The following TOX3 variants were observed in gnomAD, a reference collection of about 807,000 sequenced individuals.
TOX3 encodes the protein CAG trinucleotide repeat-containing gene F9 protein.
TOX3 carries 22 observed loss-of-function variants against 64.3 expected under a neutral mutation model. The ratio of observed to expected loss-of-function variants is 0.34; its 90% confidence interval spans 0.24 to 0.49. The LOEUF (loss-of-function observed/expected upper bound fraction) is 0.49, where lower values mean the gene tolerates loss of function less well. TOX3 is among the 20% of genes least tolerant of loss of function. The probability of loss-of-function intolerance (pLI) is 0.99; values close to 1 mark genes in which losing one functional copy is unlikely to be tolerated. For synonymous variants in TOX3, 291 were observed against 273.6 expected, an observed-to-expected ratio of 1.06 and a Z score of -0.63; for missense variants, 661 against 714.4, an observed-to-expected ratio of 0.93 and a Z score of 0.85.
At chr16:52,503,614 A>G (rs4784221) in intron 1 of TOX3, among the ~76,000 whole-genome samples, 24,521 of 152,194 alleles carry the variant, frequency 0.16, 2,297 homozygotes, top group Middle Eastern at 0.26. Flanking sequence ...ATGCTTTACA[A>G]AAAGGAAAGG....
At chr16:52,494,983 T>C (rs561902950) in intron 1 of TOX3, among the ~76,000 whole-genome samples, 8 of 152,206 alleles carry the variant, frequency 5.3e-5, no homozygotes, top group Non-Finnish European at 1.2e-4. Context: ...GTGACTCTCC[T>C]GAAACAGGCT....
chr16:52,442,385 T>C (rs1160146938), intron 6 of TOX3, among the ~76,000 whole-genome samples: 1 of 152,178 alleles, frequency 6.6e-6, no homozygotes, highest in Non-Finnish European at 1.5e-5. Context: ...TTCTCCTCTC[T>C]TGGGCACAAA....
chr16:52,468,538 C>A lies in TOX3; in HGVS notation c.124G>T (p.Ala42Ser), dbSNP rs1423024805. The A allele has an allele frequency of 6.2e-7, 1 of 1,613,118 alleles. No individual in the cohort carries two copies. Among genetic ancestry groups the A allele is most frequent in the Non-Finnish European group, 8.5e-7 (1 of 1,179,406 alleles). ...NNNNYMNMAE[A>S]NNAFFAASEQ... ...CTGGCAGCGAAGAACGCATTGTTCG[C>A]CTCAGCCATATTCATATAGTTATTA... The change falls in exon 2 of 7, where the codon GCG becomes TCG. Residue 42 changes from alanine (A) to serine (S), a missense_variant. By Grantham distance (99) the Ala-to-Ser change is moderately conservative. Transcript: ENST00000219746.
chr16:52,505,221 T>C (rs1962128793), intron 1 of TOX3, among the ~76,000 whole-genome samples: 1 of 152,200 alleles, frequency 6.6e-6, no homozygotes, highest in African/African-American at 2.4e-5. Context: ...TAGGATTCCC[T>C]GAACCTTCTC....
chr16:52,539,019 A>G (rs1481047592), intron 1 of TOX3, among the ~76,000 whole-genome samples: 2 of 152,102 alleles, frequency 1.3e-5, no homozygotes, highest in Non-Finnish European at 2.9e-5. Flanking sequence ...TTGAGTTTGT[A>G]AGTATACTCA....
At chr16:52,537,068 C>T (rs1034126402) in intron 1 of TOX3, among the ~76,000 whole-genome samples, 2 of 152,078 alleles carry the variant, frequency 1.3e-5, no homozygotes, top group African/African-American at 2.4e-5. Context: ...CTCTCACTCT[C>T]TCTCTAATCT....
Position 52,439,815 on chromosome 16 carries a change from T to A in TOX3, c.1141A>T (p.Arg381Trp). ...GTTAAGGGTTTGGGAGCGATTGACCTAGGGAGGGATTGCTGGAGAGTCTGA... is the reference window on the plus strand; with the variant it reads ...GTTAAGGGTTTGGGAGCGATTGACCAAGGGAGGGATTGCTGGAGAGTCTGA... Reference protein sequence around the residue: ...SPQTLQQSLPRSIAPKPLTMR... With the variant: ...SPQTLQQSLPWSIAPKPLTMR... The change falls in exon 7 of 7, where the codon AGG becomes TGG. Residue 381 changes from arginine (R) to tryptophan (W), a missense_variant. Coordinates refer to ENST00000219746, the MANE Select transcript of TOX3 (RefSeq NM_001080430.4). 6.2e-7 allele frequency: 1 copy of A among 1,613,828 alleles called. No homozygotes were observed. Among genetic ancestry groups the A allele is most frequent in the Non-Finnish European group, 8.5e-7 (1 of 1,179,852 alleles).
At chr16:52,543,086 G>T (rs949384130) in intron 1 of TOX3, among the ~76,000 whole-genome samples, 8 of 152,154 alleles carry the variant, frequency 5.3e-5, no homozygotes, top group African/African-American at 1.7e-4. Flanking sequence ...AAAATATGCA[G>T]AAATAGCTAG....
chr16:52,447,566 T>C (rs1445465805), intron 4 of TOX3, among the ~76,000 whole-genome samples: 2 of 152,188 alleles, frequency 1.3e-5, no homozygotes, highest in African/African-American at 4.8e-5. Context: ...CATCCACACT[T>C]TATCTGAGTA....
intron 1 of TOX3, among the ~76,000 whole-genome samples, chr16:52,473,515 C>A (rs552147747): frequency 6.6e-6 from 1 of 152,312 alleles, no homozygotes; most frequent in African/African-American, 2.4e-5. Flanking sequence ...GTGCCACGCA[C>A]GGTCACATGC....
chr16:52,539,845 C>T (rs149343286), intron 1 of TOX3, among the ~76,000 whole-genome samples: 444 of 152,278 alleles, frequency 2.9e-3, no homozygotes, highest in African/African-American at 0.01. Flanking sequence ...TTCAAACACC[C>T]TCAATCGTTT....
intron 1 of TOX3, among the ~76,000 whole-genome samples, chr16:52,519,769 G>C (rs1171776054): frequency 6.6e-6 from 1 of 151,708 alleles, no homozygotes; most frequent in Non-Finnish European, 1.5e-5. Flanking sequence ...ACCAACTTGG[G>C]CAATGTATTG....
At chr16:52,447,791 T>C (rs1445587300) in intron 4 of TOX3, among the ~76,000 whole-genome samples, 1 of 152,192 alleles carries the variant, frequency 6.6e-6, no homozygotes, top group Non-Finnish European at 1.5e-5. Flanking sequence ...GGAGCCAAGT[T>C]TTCCTTCAAT....
chr16:52,466,583 A>G (rs532438235), intron 2 of TOX3, among the ~76,000 whole-genome samples: 1 of 152,358 alleles, frequency 6.6e-6, no homozygotes, highest in Admixed American at 6.5e-5. Context: ...AGAAATCATT[A>G]CATAAGATTA....
chr16:52,463,689 CT>C (rs920584712), intron 3 of TOX3, among the ~76,000 whole-genome samples: 1 of 151,688 alleles, frequency 6.6e-6, no homozygotes, highest in Non-Finnish European at 1.5e-5. Flanking sequence ...ATGAATTAGA[CT>C]TTAAAAAAAA....
intron 1 of TOX3, among the ~76,000 whole-genome samples, chr16:52,536,999 C>T (rs903294702): frequency 3.3e-5 from 5 of 151,944 alleles, no homozygotes; most frequent in Non-Finnish European, 7.4e-5. Flanking sequence ...GCTAACTCTC[C>T]TTTATCTACA....
chr16:52,446,973 T>C (rs950251373), intron 4 of TOX3, among the ~76,000 whole-genome samples: 2 of 152,222 alleles, frequency 1.3e-5, no homozygotes, highest in Non-Finnish European at 2.9e-5. Context: ...AGAAGATGTT[T>C]GTTATTTATG....
chr16:52,508,091 A>C (rs1962209675), intron 1 of TOX3, among the ~76,000 whole-genome samples: 2 of 152,218 alleles, frequency 1.3e-5, no homozygotes, highest in South Asian at 4.1e-4. Context: ...ATAGCAGGAC[A>C]CCTGTAAGTT....
intron 1 of TOX3, among the ~76,000 whole-genome samples, chr16:52,513,330 T>C (rs905125970): frequency 6.6e-6 from 1 of 152,220 alleles, no homozygotes; most frequent in Admixed American, 6.5e-5. Context: ...GTATGGTATA[T>C]TCATCACAAA....
Sources: allele counts gnomAD v4.1 joint callset (sites outside exome capture counted in the v4.1 genomes callset), GRCh38; gene constraint gnomAD v4.1.1; transcripts MANE v1.5; gene names NCBI Gene and HGNC (gene_info 2026-07-23, HGNC 2026-07-21).